The following USP46 variants were observed in gnomAD, a reference collection of about 807,000 sequenced individuals.
The protein encoded by USP46 is ubiquitin carboxyl-terminal hydrolase 46.
USP46 carries 12 observed loss-of-function variants against 44.4 expected under a neutral mutation model. The ratio of observed to expected loss-of-function variants is 0.27; its 90% CI spans 0.17 to 0.44. The LOEUF (loss-of-function observed/expected upper bound fraction) is 0.44. Among genes scored for constraint, USP46 ranks in the 20% least tolerant of loss-of-function variants. The pLI, the probability that USP46 is intolerant of heterozygous loss-of-function variation, is 1.00. For synonymous variants in USP46, 155 were observed against 161.5 expected (o/e 0.96, Z 0.31); for missense variants, 248 against 444.8 (o/e 0.56, Z 3.98).
rs940938173 is a variant in USP46 at position 52,656,332 on chromosome 4, A to C, written c.36+2783T>G. ...TCATTATTGAGCAAAGAATCTAAAG[A>C]GAGGTCCAGTTAATATTTACGTCTG... is the stretch of plus-strand genomic sequence containing the variant. On this transcript the variant is annotated intron_variant, in intron 1 of 8. Transcript: ENST00000441222. 5 of 1,544,286 alleles carry C rather than the reference A, an allele frequency of 3.2e-6. No individual in the cohort carries two copies. In the African/African-American group the frequency reaches 6.9e-5, roughly 21 times the overall value.
At chr4:52,601,769 G>T in intron 7 of USP46, 88 bp downstream of exon 7, 1 of 1,372,658 alleles carries the variant, frequency 7.3e-7, no homozygotes, top group Non-Finnish European at 9.7e-7. Context: ...TGAGTGCCAC[G>T]GCCCAGGAAA....
At chr4:52,651,427 G>A (rs2109667610) in intron 1 of USP46, among the ~76,000 whole-genome samples, 1 of 152,078 alleles carries the variant, frequency 6.6e-6, no homozygotes, top group South Asian at 2.1e-4. Flanking sequence ...ATGCACATGT[G>A]GGAACCATTC....
chr4:52,645,152 G>A (rs1157343855), intron 1 of USP46, among the ~76,000 whole-genome samples: 5 of 151,036 alleles, frequency 3.3e-5, no homozygotes, highest in African/African-American at 9.8e-5. Context: ...TTGAACCCGG[G>A]AGGCAGAAGT....
chr4:52,597,342 C>G lies in USP46; in HGVS notation c.*298G>C, dbSNP rs1716283909. 7.1e-6 allele frequency: 2 copies of G among 283,300 alleles called. No individual in the cohort carries two copies. The highest frequency in any genetic ancestry group is 1.3e-5 in the Non-Finnish European group (2 of 152,698). 17.5% of individuals were successfully genotyped at this position (283,300 alleles called of 1,614,324 possible). On this transcript the variant is annotated 3_prime_UTR_variant, in exon 9 of 9. Transcript: ENST00000441222. ...GTAGACATTCATAGGAAATGTCATTCTAATACAGCCAGACATAATGAATGG... is the reference window on the plus strand; with the variant it reads ...GTAGACATTCATAGGAAATGTCATTGTAATACAGCCAGACATAATGAATGG...
intron 1 of USP46, among the ~76,000 whole-genome samples, chr4:52,658,887 G>T (rs1719061902): frequency 6.6e-6 from 1 of 151,832 alleles, no homozygotes; most frequent in Admixed American, 6.6e-5. Flanking sequence ...GGGATCGCCG[G>T]GCGGGTTCCG....
At position 52,593,899 on chromosome 4, in the gene USP46, A is replaced by G. The variant is rs1315650243; in HGVS notation, c.*3741T>C. 6.6e-6 allele frequency: 1 copy of G among 152,232 alleles called. No individual in the cohort carries two copies. Among genetic ancestry groups the G allele is most frequent in the Non-Finnish European group, 1.5e-5 (1 of 68,030 alleles). 9.4% of individuals were successfully genotyped at this position (152,232 alleles called of 1,614,324 possible). A position where few individuals can be genotyped will look rare whatever the true frequency, so the allele number is the denominator to read the frequency against. ...TTTTCACTGATATTCTCAATTTGCTATTCTCCAGATACCATTTCCTGAATT... is the reference window on the plus strand; with the variant it reads ...TTTTCACTGATATTCTCAATTTGCTGTTCTCCAGATACCATTTCCTGAATT... On this transcript the variant is annotated 3_prime_UTR_variant, in exon 9 of 9. Transcript: ENST00000441222.
At chr4:52,604,900 G>GA (rs937569826) in intron 5 of USP46, among the ~76,000 whole-genome samples, 8 of 151,590 alleles carry the variant, frequency 5.3e-5, no homozygotes, top group African/African-American at 1.2e-4. Flanking sequence ...ACTGGATTCA[G>GA]AAAAAAAACT....
chr4:52,607,706 C>T (rs1423254112), intron 5 of USP46, among the ~76,000 whole-genome samples: 1 of 152,150 alleles, frequency 6.6e-6, no homozygotes, highest in Non-Finnish European at 1.5e-5. Flanking sequence ...CCTCACCATA[C>T]ATCGTGGAGA....
chr4:52,635,953 CTGTT>C (rs1325046593), intron 1 of USP46, among the ~76,000 whole-genome samples: 1 of 151,998 alleles, frequency 6.6e-6, no homozygotes, highest in Non-Finnish European at 1.5e-5. Context: ...ACTGTGCTTT[CTGTT>C]TATTTTTCAC....
intron 2 of USP46, among the ~76,000 whole-genome samples, chr4:52,630,736 CAAAAAAAAAAAA>C (rs10566870): frequency 1.1e-5 from 1 of 92,290 alleles, no homozygotes; most frequent in East Asian, 3.0e-4. Context: ...GACTCTGTCT[CAAAAAAAAAAAA>C]AAAAAAAGAA....
At chr4:52,630,251 C>T (rs1717768114) in intron 2 of USP46, among the ~76,000 whole-genome samples, 1 of 151,514 alleles carries the variant, frequency 6.6e-6, no homozygotes, top group African/African-American at 2.4e-5. Context: ...CTGCTGAGTG[C>T]AAAAAAAATG....
At chr4:52,597,847 T>C (rs1716307014) in intron 8 of USP46, 106 bp from the exon 9 acceptor site, 3 of 837,960 alleles carry the variant, frequency 3.6e-6, no homozygotes, top group South Asian at 3.8e-5. Flanking sequence ...ACACAATTTG[T>C]TATGAAATCA....
At position 52,626,086 on chromosome 4, in the gene USP46, G is replaced by A. The variant is rs1382649056; in HGVS notation, c.493C>T (p.Leu165Phe). The change falls in exon 4 of 9, where the codon CTC (leucine) becomes TTC (phenylalanine). Residue 165 changes from leucine (L) to phenylalanine (F), a missense_variant. Leu to Phe is a conservative substitution (Grantham distance 22, BLOSUM62 0). Coordinates refer to ENST00000441222, the MANE Select transcript of USP46 (RefSeq NM_022832.4). The stretch of plus-strand genomic sequence containing the variant: ...TGAAAAATCTCATGGACCCAGGTGA[G>A]TTCTGGTTTATTATTTTCCGCAGGT... ...NEPAENNKPE[L>F]TWVHEIFQGT... The A allele has an allele frequency of 1.2e-6, 2 of 1,613,796 alleles. No homozygotes were observed. Among genetic ancestry groups the A allele is most frequent in the African/African-American group, 2.7e-5 (2 of 74,926 alleles).
At chr4:52,630,823 C>T (rs944412864) in intron 2 of USP46, among the ~76,000 whole-genome samples, 6 of 151,682 alleles carry the variant, frequency 4.0e-5, no homozygotes, top group Admixed American at 6.6e-5. Flanking sequence ...AAAGGAAATT[C>T]CTTAAAGCAT....
Position 52,593,159 on chromosome 4 carries a change from T to C in USP46, c.*4481A>G. 2.6e-6 allele frequency: 1 copy of C among 386,446 alleles called. No homozygotes were observed. 23.9% of individuals were successfully genotyped at this position (386,446 alleles called of 1,614,324 possible). ...CTTCATTTTTTTAGTAAAGGTATTTTAAGTATCAATAAAAAGAGAGGAAAG... is the reference window on the plus strand; with the variant it reads ...CTTCATTTTTTTAGTAAAGGTATTTCAAGTATCAATAAAAAGAGAGGAAAG... On this transcript the variant is annotated 3_prime_UTR_variant, in exon 9 of 9. Coordinates refer to ENST00000441222, the MANE Select transcript of USP46 (RefSeq NM_022832.4).
chr4:52,605,310 C>T (rs561964561), intron 5 of USP46, among the ~76,000 whole-genome samples: 1 of 152,314 alleles, frequency 6.6e-6, no homozygotes, highest in South Asian at 2.1e-4. Context: ...AGGTTCTACT[C>T]TGCTACTTAC....
In USP46 at chr4:52,594,482, G is replaced by A. The variant is rs1260076319; in HGVS notation, c.*3158C>T. 6.6e-6 allele frequency: 1 copy of A among 152,184 alleles called. No homozygotes were observed. Among genetic ancestry groups the A allele is most frequent in the African/African-American group, 2.4e-5 (1 of 41,456 alleles). The allele number at this position is 152,184 out of a possible 1,614,324, so 9.4% of individuals were successfully genotyped here. A position where few individuals can be genotyped will look rare whatever the true frequency, so the allele number is the denominator to read the frequency against. On this transcript the variant is annotated 3_prime_UTR_variant, in exon 9 of 9. Coordinates refer to ENST00000441222, the MANE Select transcript of USP46 (RefSeq NM_022832.4). ...TAGGAAATAATTTTCCCTGACCCAT[G>A]CCACTTACATGAGTTCATTACAATA...
chr4:52,599,598 C>T (rs1331792191), intron 7 of USP46, among the ~76,000 whole-genome samples: 3 of 151,994 alleles, frequency 2.0e-5, no homozygotes, highest in Non-Finnish European at 4.4e-5. Flanking sequence ...GTTAAAAAGC[C>T]GTATACTATG....
intron 1 of USP46, among the ~76,000 whole-genome samples, chr4:52,651,952 C>A (rs576565141): frequency 6.6e-6 from 1 of 152,300 alleles, no homozygotes; most frequent in Non-Finnish European, 1.5e-5. Flanking sequence ...TCACCTGCAT[C>A]TTCCAATCCA....
Sources: allele counts gnomAD v4.1 joint callset (sites outside exome capture counted in the v4.1 genomes callset), GRCh38; gene constraint gnomAD v4.1.1; transcripts MANE v1.5; gene names NCBI Gene and HGNC (gene_info 2026-07-23, HGNC 2026-07-21).